The following SPAG16 variants were observed in gnomAD, a reference collection of about 807,000 sequenced individuals.
The protein encoded by SPAG16 is sperm associated antigen 16, also known as sperm-associated antigen 16 protein.
SPAG16 carries 86 observed loss-of-function variants against 80.4 expected under a neutral mutation model. The observed-to-expected ratio is 1.07, with a 90% CI of 0.90 to 1.28. SPAG16 has a LOEUF of 1.28. SPAG16 is among the 50% of genes most tolerant of loss of function. The pLI is 0.00. For synonymous variants in SPAG16, 294 were observed against 265.9 expected (o/e 1.11, Z -1.03); for missense variants, 870 against 765.3 (o/e 1.14, Z -1.61).
chr2:213,852,612 A>G (rs927250894), intron 10 of SPAG16, among the ~76,000 whole-genome samples: 7 of 152,154 alleles, frequency 4.6e-5, no homozygotes, highest in Non-Finnish European at 1.0e-4. Flanking sequence ...CCCTTAGACC[A>G]TCCTAAAGGT....
chr2:214,194,030 A>T (rs374014090), intron 15 of SPAG16, among the ~76,000 whole-genome samples: 1 of 152,120 alleles, frequency 6.6e-6, no homozygotes, highest in South Asian at 2.1e-4. Context: ...TACTCTTTAT[A>T]TAATACTCAA....
At chr2:213,644,388 G>T (rs1460943998) in intron 10 of SPAG16, among the ~76,000 whole-genome samples, 1 of 151,998 alleles carries the variant, frequency 6.6e-6, no homozygotes, top group Non-Finnish European at 1.5e-5. Context: ...TGTTTTCCTG[G>T]ATAGTGTTGA....
chr2:214,129,369 G>A lies in SPAG16; in HGVS notation c.1594-19771G>A, dbSNP rs144443298. ...CTGACTTCATTCGTTTTCATCTCTT[G>A]ATGATTATTGCCCTTTGTTACCTAA... On this transcript the variant is annotated intron_variant, in intron 14 of 15. Transcript: ENST00000331683. Among the ~76,000 whole-genome samples, 172 of 152,248 alleles carry A rather than the reference G, an allele frequency of 1.1e-3. 1 individual carries two copies. Among genetic ancestry groups the A allele is most frequent in the African/African-American group, 4.0e-3 (168 of 41,556 alleles).
intron 12 of SPAG16, among the ~76,000 whole-genome samples, chr2:213,958,238 G>C (rs71426351): frequency 6.6e-6 from 1 of 152,182 alleles, no homozygotes; most frequent in Non-Finnish European, 1.5e-5. Context: ...AAGTTCCGTG[G>C]AGTCTGTGAC....
intron 15 of SPAG16, among the ~76,000 whole-genome samples, chr2:214,405,375 C>T (rs984357895): frequency 1.9e-4 from 29 of 152,156 alleles, no homozygotes; most frequent in African/African-American, 7.0e-4. Context: ...GATCCTCCTG[C>T]CTTGGCCTCT....
intron 15 of SPAG16, among the ~76,000 whole-genome samples, chr2:214,297,668 G>T (rs1694231921): frequency 6.6e-6 from 1 of 151,692 alleles, no homozygotes; most frequent in Admixed American, 6.6e-5. Flanking sequence ...TTTATTTCTG[G>T]GTTCTCTATT....
chr2:213,835,985 T>C (rs2074049733), intron 10 of SPAG16, among the ~76,000 whole-genome samples: 1 of 152,118 alleles, frequency 6.6e-6, no homozygotes, highest in African/African-American at 2.4e-5. Flanking sequence ...AAAGTAACTG[T>C]TTGTATATGT....
chr2:214,051,606 G>C (rs1227675650), intron 13 of SPAG16, among the ~76,000 whole-genome samples: 1 of 152,018 alleles, frequency 6.6e-6, no homozygotes, highest in Non-Finnish European at 1.5e-5. Flanking sequence ...ATTCTAATTA[G>C]GCCTTTTCTA....
chr2:214,101,818 A>T (rs189444748), intron 13 of SPAG16, among the ~76,000 whole-genome samples: 2 of 152,322 alleles, frequency 1.3e-5, no homozygotes, highest in East Asian at 3.9e-4. Flanking sequence ...ATTAAATATG[A>T]TAACAACTGT....
At chr2:214,210,083 G>C (rs1195113292) in intron 15 of SPAG16, among the ~76,000 whole-genome samples, 3 of 152,036 alleles carry the variant, frequency 2.0e-5, no homozygotes, top group Non-Finnish European at 4.4e-5. Flanking sequence ...ACTTGAGTCA[G>C]CTGTGATTTG....
At chr2:213,893,524 G>T (rs1315631279) in intron 11 of SPAG16, among the ~76,000 whole-genome samples, 2 of 152,134 alleles carry the variant, frequency 1.3e-5, no homozygotes, top group Admixed American at 1.3e-4. Flanking sequence ...CCTGTTAAGA[G>T]ATATGTAATA....
At chr2:214,288,716 A>AT (rs1693566798) in intron 15 of SPAG16, among the ~76,000 whole-genome samples, 1 of 151,602 alleles carries the variant, frequency 6.6e-6, no homozygotes, top group African/African-American at 2.4e-5. Context: ...CCACTTGATC[A>AT]TTTCTTTTTG....
At chr2:213,735,878 T>C (rs2067259151) in intron 10 of SPAG16, among the ~76,000 whole-genome samples, 1 of 152,212 alleles carries the variant, frequency 6.6e-6, no homozygotes, top group Admixed American at 6.5e-5. Context: ...CTGGGATGTT[T>C]TGAATATTAT....
chr2:213,917,396 C>T (rs974133892), intron 11 of SPAG16, among the ~76,000 whole-genome samples: 1 of 152,178 alleles, frequency 6.6e-6, no homozygotes, highest in African/African-American at 2.4e-5. Context: ...TTGATTCTTC[C>T]TATCCATGAG....
intron 15 of SPAG16, among the ~76,000 whole-genome samples, chr2:214,294,165 C>A (rs1418561880): frequency 6.6e-6 from 1 of 152,214 alleles, no homozygotes; most frequent in African/African-American, 2.4e-5. Context: ...TAAGCGGTGC[C>A]TCTGCGCAAT....
rs111608090 is a variant in SPAG16, at chr2:213,517,460, C to A, written c.1070+27370C>A. Among the ~76,000 whole-genome samples, 120 of 152,240 alleles carry A rather than the reference C, an allele frequency of 7.9e-4. 2 individuals carry two copies. The highest frequency in any genetic ancestry group is 3.4e-3 in the Middle Eastern group (1 of 294). ...TTTTCACAGAAGTAGAAAAAGCTAT[C>A]CTAAAATTCATATGGAACCAAAGAA... On this transcript the variant is annotated intron_variant, in intron 10 of 15. Coordinates refer to ENST00000331683, the MANE Select transcript of SPAG16 (RefSeq NM_024532.5).
chr2:213,561,729 A>G (rs533059979), intron 10 of SPAG16, among the ~76,000 whole-genome samples: 5 of 152,150 alleles, frequency 3.3e-5, no homozygotes, highest in African/African-American at 4.8e-5. Flanking sequence ...TTAATGTTCT[A>G]TTTTTACAAG....
At chr2:213,613,974 G>A (rs1183187559) in intron 10 of SPAG16, among the ~76,000 whole-genome samples, 1 of 152,198 alleles carries the variant, frequency 6.6e-6, no homozygotes, top group Admixed American at 6.5e-5. Context: ...TTGTCACACA[G>A]TGTGGTCAGG....
chr2:213,359,704 G>A (rs1420893059), intron 7 of SPAG16, among the ~76,000 whole-genome samples: 1 of 152,118 alleles, frequency 6.6e-6, no homozygotes, highest in Non-Finnish European at 1.5e-5. Context: ...GCTAGGAAAG[G>A]CAAATCCCCC....
Sources: allele counts gnomAD v4.1 joint callset (sites outside exome capture counted in the v4.1 genomes callset), GRCh38; gene constraint gnomAD v4.1.1; transcripts MANE v1.5; gene names NCBI Gene and HGNC (gene_info 2026-07-23, HGNC 2026-07-21).